Variants in AGAP1 observed in about 807,000 individuals in gnomAD.
The protein encoded by AGAP1 is ArfGAP with GTPase domain, ankyrin repeat and PH domain 1, also known as arf-GAP with GTPase, ANK repeat and PH domain-containing protein 1.
A neutral mutation model predicts 105.3 loss-of-function variants in AGAP1; 29 were observed. That is an observed-to-expected ratio of 0.28 (90% CI 0.21 to 0.38). AGAP1 has a LOEUF of 0.38. Ranked by LOEUF, AGAP1 falls within the 10% of genes least tolerant of loss-of-function variation. The probability of loss-of-function intolerance (pLI) is 1.00; values close to 1 mark genes in which losing one functional copy is unlikely to be tolerated. For synonymous variants in AGAP1, 509 were observed against 485.9 expected (o/e 1.05, Z -0.63); for missense variants, 998 against 1,165.1 (o/e 0.86, Z 2.09).
intron 1 of AGAP1, among the ~76,000 whole-genome samples, chr2:235,605,137 G>A (rs1433981602): frequency 6.6e-6 from 1 of 151,686 alleles, no homozygotes; most frequent in Non-Finnish European, 1.5e-5. Context: ...CTCTGCCTCC[G>A]AAAGTGCTGG....
At chr2:235,837,307 G>T (rs1960285720) in intron 9 of AGAP1, among the ~76,000 whole-genome samples, 1 of 152,122 alleles carries the variant, frequency 6.6e-6, no homozygotes, top group African/African-American at 2.4e-5. Flanking sequence ...TTTTTGAAAG[G>T]TTTAGGCTAA....
chr2:235,672,338 C>T (rs757298457), intron 1 of AGAP1, among the ~76,000 whole-genome samples: 54 of 152,180 alleles, frequency 3.5e-4, no homozygotes, highest in Non-Finnish European at 6.8e-4. Flanking sequence ...TCAGAATGTG[C>T]TAGAGGATGG....
At chr2:235,510,115 G>A (rs781261486) in intron 1 of AGAP1, among the ~76,000 whole-genome samples, 6 of 152,138 alleles carry the variant, frequency 3.9e-5, no homozygotes, top group Admixed American at 6.5e-5. Flanking sequence ...CTGATTCTAC[G>A]TTATGGTGAG....
At chr2:235,943,471 T>C (rs2053355976) in intron 12 of AGAP1, among the ~76,000 whole-genome samples, 1 of 149,570 alleles carries the variant, frequency 6.7e-6, no homozygotes, top group South Asian at 2.2e-4. Flanking sequence ...TGCCTCAGCC[T>C]CCCTAGTAGC....
chr2:235,835,914 G>A (rs1960102108), intron 9 of AGAP1, among the ~76,000 whole-genome samples: 1 of 152,150 alleles, frequency 6.6e-6, no homozygotes, highest in Non-Finnish European at 1.5e-5. Context: ...TGACATTTTG[G>A]GGATTCCGCC....
rs1162707835 is a variant in AGAP1 at position 235,606,888 on chromosome 2, C to T, written c.164-102291C>T. 5.8e-5 allele frequency among the ~76,000 whole-genome samples: 8 copies of T among 137,590 alleles called. 2 individuals are homozygous for T. Among genetic ancestry groups the T allele is most frequent in the Non-Finnish European group, 1.2e-4 (8 of 66,034 alleles). The allele number at this position is 137,590 out of a possible 152,430, so 90.3% of individuals were successfully genotyped here. On this transcript the variant is annotated intron_variant, in intron 1 of 17. Transcript: ENST00000304032. ...CGCTTGAGGCGGAGGCTGCAGTGAG[C>T]TGAGATCACGCCACTGCACTCCAGC...
At chr2:236,043,716 G>A (rs12469505) in intron 15 of AGAP1, among the ~76,000 whole-genome samples, 11,940 of 148,570 alleles carry the variant, frequency 0.08, 597 homozygotes, top group East Asian at 0.26. Context: ...GTGAGATTTC[G>A]TCTCAAGGGA....
At chr2:235,538,571 C>T (rs2149090039) in intron 1 of AGAP1, among the ~76,000 whole-genome samples, 1 of 152,056 alleles carries the variant, frequency 6.6e-6, no homozygotes, top group South Asian at 2.1e-4. Context: ...CTTGCTGTCT[C>T]CTCCTTGTTG....
chr2:235,722,315 G>A (rs1208091273), intron 3 of AGAP1, among the ~76,000 whole-genome samples: 2 of 152,190 alleles, frequency 1.3e-5, no homozygotes. Context: ...CAGACTTTGA[G>A]GTTGAATCTG....
At chr2:235,847,380 G>GA (rs1466949908) in intron 9 of AGAP1, among the ~76,000 whole-genome samples, 3 of 152,130 alleles carry the variant, frequency 2.0e-5, no homozygotes, top group African/African-American at 7.2e-5. Context: ...TTGTCTAAAA[G>GA]AAAAATGATT....
intron 1 of AGAP1, among the ~76,000 whole-genome samples, chr2:235,558,237 C>T (rs1421914072): frequency 6.6e-6 from 1 of 152,108 alleles, no homozygotes; most frequent in African/African-American, 2.4e-5. Flanking sequence ...TGGAGATGGA[C>T]CAGGCTCTCC....
At chr2:235,686,245 G>A (rs1282546595) in intron 1 of AGAP1, among the ~76,000 whole-genome samples, 2 of 152,260 alleles carry the variant, frequency 1.3e-5, no homozygotes, top group African/African-American at 4.8e-5. Flanking sequence ...CACCCGCTGG[G>A]AGGGAAGAGG....
rs181335436 is a variant in AGAP1 at position 235,582,913 on chromosome 2, G to A, written c.163+88064G>A. On this transcript the variant is annotated intron_variant, in intron 1 of 17. Transcript: ENST00000304032. This position sits in a 1 kb window ranked among gnomAD's most constrained non-coding sequence, Gnocchi z 4.7. The stretch of plus-strand genomic sequence containing the variant: ...CTTTGATGGAGTGTGTTCCGGAATC[G>A]GGAGGAAGCTTGTAAGGCTGCTTTC... Among the ~76,000 whole-genome samples the A allele has an allele frequency of 1.2e-4, 19 of 152,344 alleles. No homozygotes were observed. The highest frequency in any genetic ancestry group is 5.8e-4 in the East Asian group (3 of 5,184).
rs143934065 is a variant in AGAP1 at position 235,714,295 on chromosome 2, C to T, written c.223-3262C>T. Among the ~76,000 whole-genome samples the T allele has an allele frequency of 0.016, 2,374 of 152,132 alleles. 59 individuals carry two copies. The highest frequency in any genetic ancestry group is 0.055 in the African/African-American group (2,278 of 41,480). ...CCTCCCAAAGTGCTGGGATTACAGG[C>T]GTGAGCCACCATGCCCAGCCAGGGG... On this transcript the variant is annotated intron_variant, in intron 2 of 17. Transcript: ENST00000304032. This position sits in a 1 kb window ranked among gnomAD's most constrained non-coding sequence, Gnocchi z 4.1.
chr2:235,905,602 C>T lies in AGAP1; in HGVS notation c.1156-3136C>T, dbSNP rs1360548434. On this transcript the variant is annotated intron_variant, in intron 10 of 17. Transcript: ENST00000304032. This position sits in a 1 kb window ranked among gnomAD's most constrained non-coding sequence, Gnocchi z 4.2. The stretch of plus-strand genomic sequence containing the variant: ...GCAATCTCTGTCTCCCAGGTTCAAG[C>T]GATTCTCCTGCCTTAGCCTCCCAAG... Among the ~76,000 whole-genome samples, 8 of 152,152 alleles carry T rather than the reference C, an allele frequency of 5.3e-5. No homozygotes were observed. The highest frequency in any genetic ancestry group is 1.7e-4 in the African/African-American group (7 of 41,440).
chr2:235,992,439 C>T lies in AGAP1; in HGVS notation c.1645+23816C>T, dbSNP rs1011242519. Among the ~76,000 whole-genome samples the T allele has an allele frequency of 1.3e-5, 2 of 152,136 alleles. No individual in the cohort carries two copies. The highest frequency in any genetic ancestry group is 4.8e-5 in the African/African-American group (2 of 41,424). ...GTCTGGCGTTCAGTGGCAGGGGACC[C>T]TCCATGTGGGGACAGAGACTGCCAC... is the stretch of plus-strand genomic sequence containing the variant. On this transcript the variant is annotated intron_variant, in intron 13 of 17. Transcript: ENST00000304032. The surrounding 1 kb of genome is among the most constrained non-coding windows in gnomAD (Gnocchi z 4.8).
chr2:235,707,900 T>G (rs1168509941), intron 1 of AGAP1, among the ~76,000 whole-genome samples: 3 of 148,500 alleles, frequency 2.0e-5, no homozygotes, highest in Non-Finnish European at 4.5e-5. Context: ...TGAGATGCAC[T>G]CCCCAGCCTG....
chr2:235,625,175 G>C lies in AGAP1; in HGVS notation c.164-84004G>C, dbSNP rs1559297316. Among the ~76,000 whole-genome samples, 1 of 152,170 alleles carries C rather than the reference G, an allele frequency of 6.6e-6. No individual in the cohort carries two copies. The highest frequency in any genetic ancestry group is 2.4e-5 in the African/African-American group (1 of 41,428). Reference sequence around the variant, plus strand: ...TCCAGGTGCCTGCTCTAGACTCTTGGTGTTGCTCTTCTTTCCTTCATGACC... The same window carrying C: ...TCCAGGTGCCTGCTCTAGACTCTTGCTGTTGCTCTTCTTTCCTTCATGACC... On this transcript the variant is annotated intron_variant, in intron 1 of 17. Coordinates refer to ENST00000304032, the MANE Select transcript of AGAP1 (RefSeq NM_001037131.3). The surrounding 1 kb of genome is among the most constrained non-coding windows in gnomAD (Gnocchi z 4.0).
chr2:236,029,147 G>A (rs1280178467), intron 13 of AGAP1, among the ~76,000 whole-genome samples: 1 of 150,848 alleles, frequency 6.6e-6, no homozygotes, highest in African/African-American at 2.4e-5. Context: ...GGTAGACATT[G>A]TCATTAGCAG....
Sources: gnomAD v4.1 joint callset for allele counts (sites outside exome capture counted in the v4.1 genomes callset) on GRCh38, gnomAD v4.1.1 for gene constraint, Gnocchi (gnomAD v3.1) non-coding constraint, MANE v1.5 for transcripts, NCBI Gene and HGNC (gene_info 2026-07-23, HGNC 2026-07-21) for gene names.